Variants in LYZL4 observed in about 807,000 individuals in gnomAD.
LYZL4 encodes the protein lysozyme like 4, also known as lysozyme-like protein 4.
In LYZL4, 13 loss-of-function variants were observed where a neutral mutation model predicts 17.6. The observed-to-expected ratio is 0.74, with a 90% CI of 0.48 to 1.18. The LOEUF is 1.18. Among genes scored for constraint, LYZL4 ranks in the 50% most tolerant of loss-of-function variants. The probability of loss-of-function intolerance (pLI) is 0.00; values close to 1 mark genes in which losing one functional copy is unlikely to be tolerated. For synonymous variants in LYZL4, 64 were observed against 67.7 expected (o/e 0.95, Z 0.27); for missense variants, 174 against 188.2 (o/e 0.92, Z 0.44).
the LYZL4 span, among the ~76,000 whole-genome samples, chr3:42,365,363 A>T: frequency 4.6e-5 from 7 of 152,224 alleles, no homozygotes; most frequent in Non-Finnish European, 8.8e-5. Context: ...AATAAATTTC[A>T]GTGGCATGCA....
rs774072344 is a variant in LYZL4 at position 42,407,269 on chromosome 3, C to CA, written c.-19dup. 25 of 1,613,698 alleles carry CA rather than the reference C, an allele frequency of 1.5e-5. No homozygotes were observed. The highest frequency in any genetic ancestry group is 2.0e-5 in the Non-Finnish European group (24 of 1,179,890). ...GCCTTCATCTTCTCCAGGCTCCTGG[C>CA]AGGTCAGGGCAACGGTGGCCAGATG... On this transcript the variant is annotated 5_prime_UTR_variant, in exon 2 of 5. Coordinates refer to ENST00000287748, the MANE Select transcript of LYZL4 (RefSeq NM_144634.4).
chr3:42,384,195 G>A, the LYZL4 span, among the ~76,000 whole-genome samples: 1 of 152,192 alleles, frequency 6.6e-6, no homozygotes, highest in South Asian at 2.1e-4. Flanking sequence ...TTGACTTAGA[G>A]TTCTGCACCC....
At chr3:42,389,918 A>T in the LYZL4 span, among the ~76,000 whole-genome samples, 1 of 152,208 alleles carries the variant, frequency 6.6e-6, no homozygotes. Flanking sequence ...AAAAGCTCCG[A>T]CAAAGTTCAC....
At chr3:42,375,870 G>A in the LYZL4 span, among the ~76,000 whole-genome samples, 2 of 152,188 alleles carry the variant, frequency 1.3e-5, no homozygotes, top group African/African-American at 4.8e-5. Flanking sequence ...TTATAAAGAT[G>A]GAATGAATTC....
At chr3:42,360,777 G>A in the LYZL4 span, among the ~76,000 whole-genome samples, 1 of 150,462 alleles carries the variant, frequency 6.6e-6, no homozygotes, top group Non-Finnish European at 1.5e-5. Context: ...ATATTTATAT[G>A]CAGTTTTTTT....
At chr3:42,360,913 A>G in the LYZL4 span, among the ~76,000 whole-genome samples, 2 of 152,148 alleles carry the variant, frequency 1.3e-5, no homozygotes, top group Non-Finnish European at 2.9e-5. Flanking sequence ...TCCTTTAGCC[A>G]AGCCTGATAT....
At chr3:42,389,830 A>G in the LYZL4 span, among the ~76,000 whole-genome samples, 1 of 152,184 alleles carries the variant, frequency 6.6e-6, no homozygotes, top group African/African-American at 2.4e-5. Flanking sequence ...CGGGATTCCT[A>G]TAGTACCTCT....
the LYZL4 span, among the ~76,000 whole-genome samples, chr3:42,363,935 T>C: frequency 1.3e-3 from 191 of 152,258 alleles, no homozygotes; most frequent in African/African-American, 4.3e-3. Flanking sequence ...CAGGAAGGTA[T>C]AGGAAAACAG....
At chr3:42,407,024 CT>C (rs765771235) in intron 2 of LYZL4, 26 bp from the exon 3 acceptor site, 10 of 1,613,922 alleles carry the variant, frequency 6.2e-6, no homozygotes, top group Non-Finnish European at 8.5e-6. Context: ...AGGTGTGTGA[CT>C]CTGAGGACAG....
the LYZL4 span, among the ~76,000 whole-genome samples, chr3:42,385,207 CT>C: frequency 6.6e-6 from 1 of 151,626 alleles, no homozygotes; most frequent in Non-Finnish European, 1.5e-5. Flanking sequence ...AAATAAAAGT[CT>C]TTTGCCTCTT....
intron 4 of LYZL4, among the ~76,000 whole-genome samples, chr3:42,400,827 T>A (rs6775083): frequency 0.024 from 3,703 of 152,058 alleles, 165 homozygotes; most frequent in African/African-American, 0.084. Context: ...TGGTGCAGAG[T>A]TCACTGGGTA....
chr3:42,386,033 A>G, the LYZL4 span, among the ~76,000 whole-genome samples: 3 of 152,160 alleles, frequency 2.0e-5, no homozygotes, highest in Non-Finnish European at 4.4e-5. Context: ...TCCAGCTTCA[A>G]GAGGCTGCAC....
At chr3:42,393,551 G>A (rs1408176053), downstream of LYZL4, among the ~76,000 whole-genome samples, 2 of 152,190 alleles carry the variant, frequency 1.3e-5, no homozygotes, top group Non-Finnish European at 2.9e-5. Context: ...GGAAAAATGA[G>A]GCTCAAGGAA....
the LYZL4 span, among the ~76,000 whole-genome samples, chr3:42,384,759 G>A: frequency 6.6e-6 from 1 of 152,110 alleles, no homozygotes; most frequent in South Asian, 2.1e-4. Flanking sequence ...CCAAGTTAAA[G>A]GTGCATTATA....
At position 42,410,444 on chromosome 3, in the gene LYZL4, C is replaced by G. The variant is rs1698842081; in HGVS notation, c.-120G>C. The G allele has an allele frequency of 6.6e-6, 1 of 152,240 alleles. No homozygotes were observed. Among genetic ancestry groups the G allele is most frequent in the Non-Finnish European group, 1.5e-5 (1 of 68,050 alleles). 9.4% of individuals were successfully genotyped at this position (152,240 alleles called of 1,614,324 possible). A position where few individuals can be genotyped will look rare whatever the true frequency, so the allele number is the denominator to read the frequency against. ...GTCCACCAGCCCTTCCAAAGGCTGG[C>G]TTTTGGTGCCTTTCCAAGGGGAGGG... On this transcript the variant is annotated 5_prime_UTR_variant, in exon 1 of 5. Coordinates refer to ENST00000287748, the MANE Select transcript of LYZL4 (RefSeq NM_144634.4).
At chr3:42,369,488 G>GCC in the LYZL4 span, among the ~76,000 whole-genome samples, 3 of 152,228 alleles carry the variant, frequency 2.0e-5, no homozygotes, top group Non-Finnish European at 4.4e-5. Flanking sequence ...AGAAGACTTG[G>GCC]CCCTGGCCAA....
chr3:42,408,919 T>C (rs1174568757), intron 1 of LYZL4, among the ~76,000 whole-genome samples: 3 of 152,182 alleles, frequency 2.0e-5, no homozygotes, highest in African/African-American at 7.2e-5. Context: ...TGGGACAAAA[T>C]TGCCCCCTGT....
chr3:42,406,875 C>A lies in LYZL4; in HGVS notation c.263G>T (p.Gly88Val), dbSNP rs1247181746. 13 of 1,614,080 alleles carry A rather than the reference C, an allele frequency of 8.1e-6. No homozygotes were observed. The highest frequency in any genetic ancestry group is 1.1e-5 in the South Asian group (1 of 91,096). The change falls in exon 3 of 5, where the codon GGC (glycine) becomes GTC (valine). Residue 88 changes from glycine (G) to valine (V), a missense_variant. Gly to Val is a moderately radical substitution (Grantham distance 109). Transcript: ENST00000287748. ...MRGSDWCGDH[G>V]RNRCHMSCSA... Reference sequence around the variant, plus strand: ...ACATGACATATGGCAGCGGTTCCTGCCATGGTCGCCACACCAGTCACTGCC... The same window carrying A: ...ACATGACATATGGCAGCGGTTCCTGACATGGTCGCCACACCAGTCACTGCC...
chr3:42,381,927 A>C, the LYZL4 span, among the ~76,000 whole-genome samples: 3 of 152,232 alleles, frequency 2.0e-5, no homozygotes. Context: ...TCTAAAGCAC[A>C]TGAGCTAAAA....
Sources: gnomAD v4.1 joint callset for allele counts (sites outside exome capture counted in the v4.1 genomes callset) on GRCh38, gnomAD v4.1.1 for gene constraint, MANE v1.5 for transcripts, NCBI Gene and HGNC (gene_info 2026-07-23, HGNC 2026-07-21) for gene names.